TCF7L2: variants seen among roughly 807,000 people sequenced by gnomAD.
The protein encoded by TCF7L2 is transcription factor 7 like 2, also known as transcription factor 7-like 2.
TCF7L2 carries 23 observed loss-of-function variants against 77.9 expected under a neutral mutation model. The observed-to-expected ratio is 0.30, with a 90% CI of 0.21 to 0.42. TCF7L2 has a LOEUF of 0.42. Ranked by LOEUF, TCF7L2 falls within the 10% of genes least tolerant of loss-of-function variation. The probability of loss-of-function intolerance (pLI) is 1.00; values close to 1 mark genes in which losing one functional copy is unlikely to be tolerated. For synonymous variants in TCF7L2, 413 were observed against 340.2 expected (o/e 1.21, Z -2.36); for missense variants, 654 against 793.1 (o/e 0.82, Z 2.11).
intron 5 of TCF7L2, among the ~76,000 whole-genome samples, chr10:113,106,956 AC>A (rs1475336610): frequency 6.6e-6 from 1 of 152,236 alleles, no homozygotes; most frequent in Non-Finnish European, 1.5e-5. Flanking sequence ...ACTCAGGACC[AC>A]CCTGACTGAG....
intron 5 of TCF7L2, among the ~76,000 whole-genome samples, chr10:113,058,025 G>A (rs1000439218): frequency 1.3e-5 from 2 of 152,258 alleles, no homozygotes; most frequent in Non-Finnish European, 1.5e-5. Context: ...GACCCTCATC[G>A]AGCAAATAGA....
chr10:113,091,431 G>A (rs767426581), intron 5 of TCF7L2, among the ~76,000 whole-genome samples: 2 of 152,168 alleles, frequency 1.3e-5, no homozygotes, highest in Non-Finnish European at 2.9e-5. Context: ...TTAGCCAGAT[G>A]TGCATAAAAC....
Position 113,034,820 on chromosome 10 carries a change from T to G in TCF7L2, c.451-5205T>G, listed in dbSNP as rs922222083. Among the ~76,000 whole-genome samples the G allele has an allele frequency of 2.5e-4, 38 of 152,168 alleles. 2 individuals carry two copies. The highest frequency in any genetic ancestry group is 3.9e-4 in the Admixed American group (6 of 15,278). ...CTGAGGCAGGAGAATCACTTGAAGCTGGAAGGTAGAGGTTGCAGTGAGTCG... is the reference window on the plus strand; with the variant it reads ...CTGAGGCAGGAGAATCACTTGAAGCGGGAAGGTAGAGGTTGCAGTGAGTCG... On this transcript the variant is annotated intron_variant, in intron 4 of 13. Coordinates refer to ENST00000627217, the MANE Select transcript of TCF7L2 (RefSeq NM_001146274.2).
At chr10:113,148,946 A>G (rs2070114355) in intron 8 of TCF7L2, among the ~76,000 whole-genome samples, 1 of 152,136 alleles carries the variant, frequency 6.6e-6, no homozygotes, top group African/African-American at 2.4e-5. Flanking sequence ...TATTTGGTGT[A>G]TGTACACACA....
intron 3 of TCF7L2, among the ~76,000 whole-genome samples, chr10:112,952,590 T>G (rs959101844): frequency 3.3e-5 from 5 of 152,116 alleles, no homozygotes; most frequent in African/African-American, 1.2e-4. Context: ...CCAGCTTCCG[T>G]GTAGGCCCGT....
chr10:112,951,083 C>A, intron 1 of TCF7L2, 124 bp from the exon 2 acceptor site: 1 of 1,321,516 alleles, frequency 7.6e-7, no homozygotes, highest in Non-Finnish European at 1.0e-6. Context: ...GCCACCATTG[C>A]AAAAACTTGT....
intron 5 of TCF7L2, among the ~76,000 whole-genome samples, chr10:113,071,020 A>G (rs2057939864): frequency 6.6e-6 from 1 of 152,198 alleles, no homozygotes; most frequent in African/African-American, 2.4e-5. Context: ...GACATTTCAT[A>G]TAGATGAAAT....
chr10:113,129,797 C>T (rs1444864497), intron 5 of TCF7L2: 2 of 1,284,960 alleles, frequency 1.6e-6, no homozygotes, highest in Admixed American at 2.3e-5. Context: ...GAAAAACTGG[C>T]CCAGTCCCAT....
chr10:113,042,355 G>T (rs575588543), intron 5 of TCF7L2, among the ~76,000 whole-genome samples: 1 of 152,322 alleles, frequency 6.6e-6, no homozygotes, highest in Admixed American at 6.5e-5. Context: ...GCTGGCAACT[G>T]TCTACAATCT....
intron 5 of TCF7L2, chr10:113,133,373 C>T (rs1592139908): frequency 6.6e-6 from 1 of 152,420 alleles, no homozygotes; most frequent in South Asian, 2.1e-4. Context: ...CATCCCAACA[C>T]CTCCAGCCCA....
intron 5 of TCF7L2, among the ~76,000 whole-genome samples, chr10:113,122,506 AC>A (rs1338851091): frequency 6.6e-6 from 1 of 152,236 alleles, no homozygotes; most frequent in Non-Finnish European, 1.5e-5. Context: ...TTATCTATAT[AC>A]CATTTCAGAT....
chr10:112,952,641 C>T (rs936055859), intron 3 of TCF7L2, among the ~76,000 whole-genome samples: 3 of 152,248 alleles, frequency 2.0e-5, no homozygotes, highest in East Asian at 1.9e-4. Context: ...TGTGCGGGCT[C>T]AAGGAGGTGC....
In TCF7L2 at chr10:113,158,666, G is replaced by A; in HGVS notation, c.1318+597G>A. On this transcript the variant is annotated intron_variant, in intron 12 of 13. Coordinates refer to ENST00000627217, the MANE Select transcript of TCF7L2 (RefSeq NM_001146274.2). ...TTGTATAATTTGTTCTTTTTTTTCA[G>A]AACACAGCGAATGTTTCCTAAATCC... 1 of 1,613,478 alleles carries A rather than the reference G, an allele frequency of 6.2e-7. No homozygotes were observed. The highest frequency in any genetic ancestry group is 8.5e-7 in the Non-Finnish European group (1 of 1,179,920).
At chr10:112,997,240 C>G (rs1231414800) in intron 4 of TCF7L2, among the ~76,000 whole-genome samples, 1 of 152,244 alleles carries the variant, frequency 6.6e-6, no homozygotes, top group Non-Finnish European at 1.5e-5. Context: ...CAATCTCCAT[C>G]TACTGAAGGT....
chr10:112,987,864 G>C (rs1189779932), intron 4 of TCF7L2: 1 of 166,614 alleles, frequency 6.0e-6, no homozygotes, highest in African/African-American at 2.5e-5. Flanking sequence ...TCTTTTTCTA[G>C]GGGTGTAATA....
intron 5 of TCF7L2, among the ~76,000 whole-genome samples, chr10:113,081,161 T>C (rs1313616160): frequency 2.6e-5 from 4 of 152,236 alleles, no homozygotes; most frequent in Non-Finnish European, 5.9e-5. Flanking sequence ...AGTCCCATTT[T>C]AGGCTGCTAA....
chr10:113,136,509 G>A (rs2067423348), intron 5 of TCF7L2, among the ~76,000 whole-genome samples: 1 of 152,178 alleles, frequency 6.6e-6, no homozygotes, highest in African/African-American at 2.4e-5. Flanking sequence ...TCTTCACACA[G>A]CTCTCCTTGA....
chr10:112,975,282 A>G (rs1037166710), intron 4 of TCF7L2, among the ~76,000 whole-genome samples: 1 of 152,170 alleles, frequency 6.6e-6, no homozygotes, highest in African/African-American at 2.4e-5. Context: ...ATACTTGGTT[A>G]TACCACATTC....
chr10:113,041,312 TCTAACTCCACAATAA>T (rs2052401208), intron 5 of TCF7L2, among the ~76,000 whole-genome samples: 1 of 152,206 alleles, frequency 6.6e-6, no homozygotes, highest in Non-Finnish European at 1.5e-5. Flanking sequence ...TCCCCTTTCC[TCTAACTCCACAATAA>T]AATGGATGCT....
Sources: allele counts gnomAD v4.1 joint callset (sites outside exome capture counted in the v4.1 genomes callset), GRCh38; gene constraint gnomAD v4.1.1; transcripts MANE v1.5; gene names NCBI Gene and HGNC (gene_info 2026-07-23, HGNC 2026-07-21).